The following NDRG2 variants were observed in gnomAD, a reference collection of about 807,000 sequenced individuals.
NDRG2 encodes the protein protein NDRG2.
Under a neutral mutation model 58.2 loss-of-function variants are expected in NDRG2, and 34 were observed. The ratio of observed to expected loss-of-function variants is 0.58; its 90% CI spans 0.44 to 0.78. The LOEUF (loss-of-function observed/expected upper bound fraction) is 0.78, where lower values mean the gene tolerates loss of function less well. Ranked by LOEUF, NDRG2 falls within the 30% of genes least tolerant of loss-of-function variation. The pLI, the probability that NDRG2 is intolerant of heterozygous loss-of-function variation, is 0.00. For missense variants in NDRG2, 434 were observed against 471.2 expected (o/e 0.92, Z 0.73); for synonymous variants, 187 against 175.9 (o/e 1.06, Z -0.50).
intron 15 of NDRG2, 94 bp from the exon 16 acceptor site, chr14:21,017,856 A>T: frequency 6.2e-7 from 1 of 1,602,132 alleles, no homozygotes; most frequent in Non-Finnish European, 8.5e-7. Context: ...TGGACTAGTT[A>T]TAACTAAGCC....
At chr14:21,026,700 C>T (rs1883682840), upstream of NDRG2, among the ~76,000 whole-genome samples, 2 of 152,024 alleles carry the variant, frequency 1.3e-5, no homozygotes, top group Admixed American at 1.3e-4. Context: ...CCCTACATCC[C>T]CCAATTTGGA....
Position 21,070,371 on chromosome 14 carries a change from C to G in NDRG2, c.24+457G>C. ...GCCCGGCCCCGCCCGCCCGACCAAGCGTCGGACGCGGCCCGGCGCCGAGCC... is the reference window on the plus strand; with the variant it reads ...GCCCGGCCCCGCCCGCCCGACCAAGGGTCGGACGCGGCCCGGCGCCGAGCC... On this transcript the variant is annotated intron_variant, in intron 1 of 14. Coordinates refer to the NDRG2 transcript ENST00000403829. This position sits in a 1 kb window ranked among gnomAD's most constrained non-coding sequence, Gnocchi z 4.7. 1 of 1,406,732 alleles carries G rather than the reference C, an allele frequency of 7.1e-7. No homozygotes were observed. Among genetic ancestry groups the G allele is most frequent in the Non-Finnish European group, 9.2e-7 (1 of 1,088,656 alleles). 87.1% of individuals were successfully genotyped at this position (1,406,732 alleles called of 1,614,324 possible). A position where few individuals can be genotyped will look rare whatever the true frequency, so the allele number is the denominator to read the frequency against.
In NDRG2 at chr14:21,070,719, AG is replaced by A; in HGVS notation, c.24+108del. The A allele has an allele frequency of 7.8e-7, 1 of 1,276,428 alleles. No individual in the cohort carries two copies. Among genetic ancestry groups the A allele is most frequent in the East Asian group, 2.5e-5 (1 of 39,336 alleles). 79.1% of individuals were successfully genotyped at this position (1,276,428 alleles called of 1,614,324 possible). A position where few individuals can be genotyped will look rare whatever the true frequency, so the allele number is the denominator to read the frequency against. ...CCTGACCTGTGCCTTCCTTTCCTGG[AG>A]CTTCCCTCCCCCTCCTGGTCCGAGC... On this transcript the variant is annotated intron_variant, in intron 1 of 14. Coordinates refer to the NDRG2 transcript ENST00000403829. The surrounding 1 kb of genome is among the most constrained non-coding windows in gnomAD (Gnocchi z 4.7).
At chr14:21,019,310 G>A (rs1316238334) in intron 10 of NDRG2, 150 bp from the exon 11 acceptor site, 1 of 756,578 alleles carries the variant, frequency 1.3e-6, no homozygotes, top group East Asian at 2.7e-5. Flanking sequence ...GAAAGGGGCA[G>A]GCAGGCCCCA....
At chr14:21,055,470 C>G (rs1478280372) in intron 1 of NDRG2, among the ~76,000 whole-genome samples, 1 of 152,150 alleles carries the variant, frequency 6.6e-6, no homozygotes, top group Non-Finnish European at 1.5e-5. Flanking sequence ...GCCTCAAGTG[C>G]TTAATGGATA....
intron 1 of NDRG2, chr14:21,031,880 C>G (rs1431862434): frequency 6.2e-7 from 1 of 1,610,826 alleles, no homozygotes; most frequent in Non-Finnish European, 8.5e-7. Context: ...CAAATCCATC[C>G]CTGGCTTGCA....
intron 1 of NDRG2, chr14:21,036,108 G>A (rs1884606992): frequency 2.3e-6 from 1 of 444,088 alleles, no homozygotes; most frequent in East Asian, 7.0e-5. Context: ...TCCTCAGTAT[G>A]AGCCTGAGTC....
At chr14:21,039,063 G>A (rs910870187) in intron 1 of NDRG2, among the ~76,000 whole-genome samples, 2 of 152,188 alleles carry the variant, frequency 1.3e-5, no homozygotes, top group African/African-American at 4.8e-5. Flanking sequence ...GAACTCTCAC[G>A]GGCTTTCCAT....
intron 1 of NDRG2, among the ~76,000 whole-genome samples, chr14:21,051,763 C>T (rs962426085): frequency 6.6e-6 from 1 of 152,164 alleles, no homozygotes; most frequent in African/African-American, 2.4e-5. Flanking sequence ...AAACCAGGGC[C>T]CAGACCACAG....
At position 21,017,368 on chromosome 14, in the gene NDRG2, A is replaced by C; in HGVS notation, c.*228T>G. 1.7e-6 allele frequency: 1 copy of C among 585,432 alleles called. No individual in the cohort carries two copies. The highest frequency in any genetic ancestry group is 3.0e-6 in the Non-Finnish European group (1 of 331,050). The allele number at this position is 585,432 out of a possible 1,614,324, so 36.3% of individuals were successfully genotyped here. A position where few individuals can be genotyped will look rare whatever the true frequency, so the allele number is the denominator to read the frequency against. Reference sequence around the variant, plus strand: ...AACATCAAAATGGGGGAGGAGGAGAATTTAGGGGTCTGGGTCCCTAAGAGA... The same window carrying C: ...AACATCAAAATGGGGGAGGAGGAGACTTTAGGGGTCTGGGTCCCTAAGAGA... On this transcript the variant is annotated 3_prime_UTR_variant, in exon 16 of 16. Transcript: ENST00000556147.
At chr14:21,035,678 T>C (rs1040387542) in intron 1 of NDRG2, 2 of 433,434 alleles carry the variant, frequency 4.6e-6, no homozygotes, top group Non-Finnish European at 9.3e-6. Context: ...GAGAGAAAGA[T>C]TGGTGTTCCT....
intron 1 of NDRG2, among the ~76,000 whole-genome samples, chr14:21,061,230 G>A (rs1885941293): frequency 6.6e-6 from 1 of 152,192 alleles, no homozygotes; most frequent in Admixed American, 6.5e-5. Flanking sequence ...TAGGTCTGTA[G>A]CCAGGGTTAG....
intron 1 of NDRG2, among the ~76,000 whole-genome samples, chr14:21,063,788 A>G (rs1159708649): frequency 6.6e-6 from 1 of 152,230 alleles, no homozygotes; most frequent in Non-Finnish European, 1.5e-5. Flanking sequence ...AGGAAAATGT[A>G]CAGATCACAA....
Position 21,020,513 on chromosome 14 carries a change from C to T in NDRG2, c.538G>A (p.Asp180Asn). The change falls in exon 8 of 16, where the codon GAT becomes AAT. Residue 180 changes from aspartate to asparagine, a missense_variant. By Grantham distance (23) the Asp-to-Asn change is conservative (BLOSUM62 1). Coordinates refer to ENST00000556147, the MANE Select transcript of NDRG2 (RefSeq NM_001320329.2). ...NIDPNAKGWM[D>N]WAAHKLTGLT... is the part of the protein sequence containing the mutation. ...CTCCAAACCTTGTGGGCTGCCCAAT[C>T]CATCCAACCCTTGGCATTGGGATCA... 2 of 1,613,574 alleles carry T rather than the reference C, an allele frequency of 1.2e-6. No individual in the cohort carries two copies. The highest frequency in any genetic ancestry group is 1.3e-5 in the African/African-American group (1 of 74,964).
intron 1 of NDRG2, among the ~76,000 whole-genome samples, chr14:21,064,421 C>G (rs761777533): frequency 3.9e-5 from 6 of 152,072 alleles, no homozygotes; most frequent in Non-Finnish European, 2.9e-5. Flanking sequence ...CCTGTCTCAG[C>G]CTCCCAAGTA....
intron 1 of NDRG2, among the ~76,000 whole-genome samples, chr14:21,052,604 G>A (rs552210080): frequency 7.9e-5 from 12 of 152,272 alleles, no homozygotes; most frequent in South Asian, 6.2e-4. Context: ...GTTTGTGTTC[G>A]GAGGGAAGAT....
intron 1 of NDRG2, among the ~76,000 whole-genome samples, chr14:21,061,247 C>G (rs1885943097): frequency 6.6e-6 from 1 of 152,128 alleles, no homozygotes; most frequent in African/African-American, 2.4e-5. Context: ...TTAGGCAACA[C>G]CAGGAGAAGT....
chr14:21,052,070 TTGTG>T (rs898122424), intron 1 of NDRG2, among the ~76,000 whole-genome samples: 1 of 152,228 alleles, frequency 6.6e-6, no homozygotes, highest in African/African-American at 2.4e-5. Context: ...ATGTTTTTTC[TTGTG>T]TCACACAAGT....
chr14:21,054,121 C>T (rs552111053), intron 1 of NDRG2, among the ~76,000 whole-genome samples: 2 of 152,134 alleles, frequency 1.3e-5, no homozygotes, highest in Admixed American at 6.5e-5. Context: ...AGCTGCAGCA[C>T]GGCCTGACAC....
Sources: allele counts gnomAD v4.1 joint callset (sites outside exome capture counted in the v4.1 genomes callset), GRCh38; gene constraint gnomAD v4.1.1; non-coding constraint Gnocchi (gnomAD v3.1); transcripts MANE v1.5; gene names NCBI Gene and HGNC (gene_info 2026-07-23, HGNC 2026-07-21).